Variants in NUMA1 observed in about 807,000 individuals in gnomAD.
The protein encoded by NUMA1 is SP-H antigen.
A neutral mutation model predicts 237.1 loss-of-function variants in NUMA1; 62 were observed. The ratio of observed to expected loss-of-function variants is 0.26; its 90% CI spans 0.21 to 0.32. The LOEUF is 0.32. NUMA1 is among the 10% of genes least tolerant of loss of function. The pLI is 1.00. For synonymous variants in NUMA1, 1,028 were observed against 1,066.1 expected (o/e 0.96, Z 0.70); for missense variants, 2,533 against 2,666.5 (o/e 0.95, Z 1.10).
At chr11:72,076,743 C>T (rs763971049) in intron 1 of NUMA1, 1 of 152,004 alleles carries the variant, frequency 6.6e-6, no homozygotes, top group Non-Finnish European at 1.5e-5. Context: ...CGAGATTGCA[C>T]CACTGGACTC....
At chr11:72,025,747 C>T (rs1235050022) in intron 4 of NUMA1, among the ~76,000 whole-genome samples, 1 of 152,200 alleles carries the variant, frequency 6.6e-6, no homozygotes, top group Non-Finnish European at 1.5e-5. Context: ...GTACCTCCCC[C>T]CATACCCCAT....
rs113239843 is a variant in NUMA1, at chr11:72,024,893, GTTGTTTGTTTGT to G, written c.129-552_129-541del. ...AGAGGAGGATCCCAGGGACTAGAGT[GTTGTTTGTTTGT>G]TTGTTTGTTTGAGACAGAATCTCGC... On this transcript the variant is annotated intron_variant, in intron 4 of 26. Transcript: ENST00000393695. 1.8e-3 allele frequency: 284 copies of G among 155,260 alleles called. 10 individuals carry two copies. In the South Asian group the frequency reaches 0.053, roughly 29 times the overall value. 9.6% of individuals were successfully genotyped at this position (155,260 alleles called of 1,614,324 possible).
intron 1 of NUMA1, among the ~76,000 whole-genome samples, chr11:72,075,567 C>G (rs1565300939): frequency 1.3e-5 from 2 of 152,328 alleles, no homozygotes; most frequent in South Asian, 4.1e-4. Context: ...ATTCCAGATC[C>G]CTCTAGACTT....
rs758848761 is a variant in NUMA1 at position 72,014,147 on chromosome 11, C to A, written c.3356G>T (p.Gly1119Val). The change falls in exon 15 of 27, where the codon GGC becomes GTC. Residue 1119 changes from glycine (G) to valine (V), a missense_variant. Physicochemically the swap from Gly to Val is moderately radical, Grantham distance 109. Coordinates refer to ENST00000393695, the MANE Select transcript of NUMA1 (RefSeq NM_006185.4). This position sits in a 1 kb window ranked among gnomAD's most constrained non-coding sequence, Gnocchi z 4.6. ...TGCCCGCAGTGCCTCCAGCTTGGGG[C>A]CTGTTGGCTCTGTCCTGCCAGCAGC... ...SEAAGRTEPT[G>V]PKLEALRAEV... The A allele has an allele frequency of 1.9e-6, 3 of 1,613,024 alleles. No individual in the cohort carries two copies. The South Asian group carries it at 3.3e-5, about 18-fold the overall frequency.
chr11:72,018,653 AAG>A, intron 10 of NUMA1, 140 bp from the exon 11 acceptor site: 1 of 1,070,432 alleles, frequency 9.3e-7, no homozygotes, highest in Non-Finnish European at 1.4e-6. Flanking sequence ...ATCTAAGGGA[AAG>A]AGAAGATGGG....
In NUMA1 at chr11:72,004,686, C is replaced by T. The variant is rs374984536; in HGVS notation, c.5960G>A (p.Arg1987His). 2.0e-5 allele frequency: 33 copies of T among 1,613,382 alleles called. No individual in the cohort carries two copies. The highest frequency in any genetic ancestry group is 3.5e-4 in the Middle Eastern group (2 of 5,776). Residue 1987 changes from arginine (R) to histidine (H), a missense_variant, in exon 24 of 27, where the codon CGC becomes CAC. By Grantham distance (29) the Arg-to-His change is conservative. Coordinates refer to ENST00000393695, the MANE Select transcript of NUMA1 (RefSeq NM_006185.4). Reference sequence around the variant, plus strand: ...GTGGGGCTCTAGGGAGACCCGTTTGCGCTGCTGCCGGGTGGTGATGCCAGT... The same window carrying T: ...GTGGGGCTCTAGGGAGACCCGTTTGTGCTGCTGCCGGGTGGTGATGCCAGT... ...EGTGITTRQQ[R>H]KRVSLEPHQG...
intron 2 of NUMA1, among the ~76,000 whole-genome samples, chr11:72,037,035 C>T (rs1239536922): frequency 1.3e-5 from 2 of 152,132 alleles, no homozygotes; most frequent in African/African-American, 2.4e-5. Flanking sequence ...GAACCAGTCT[C>T]ATGTATGCAA....
intron 20 of NUMA1, 151 bp from the exon 21 acceptor site, chr11:72,007,586 C>T: frequency 1.0e-6 from 1 of 971,488 alleles, no homozygotes; most frequent in Non-Finnish European, 1.5e-6. Flanking sequence ...CCAAGGAAAG[C>T]ACTTGACCTG....
At chr11:72,076,439 A>G (rs1943712014) in intron 1 of NUMA1, 1 of 152,184 alleles carries the variant, frequency 6.6e-6, no homozygotes, top group Non-Finnish European at 1.5e-5. Context: ...AGTGAAAAAC[A>G]AACAAACGAT....
At position 72,004,808 on chromosome 11, in the gene NUMA1, C is replaced by G; in HGVS notation, c.5838G>C (p.Leu1946=). The G allele has an allele frequency of 6.4e-7, 1 of 1,573,218 alleles. No individual in the cohort carries two copies. ...CCTCATCTGTGATGGTGCCCAGGCT[C>G]AGGGAAGGCTGCATGGGTGGAAGAG... The part of the protein sequence containing the change: ...TCYPLESRPS[L]SLGTITDEEM... The change falls in exon 24 of 27, where the codon CTG becomes CTC. Residue 1946 remains leucine, a synonymous_variant. Coordinates refer to ENST00000393695, the MANE Select transcript of NUMA1 (RefSeq NM_006185.4).
At chr11:72,032,116 C>T (rs1940419183) in intron 3 of NUMA1, among the ~76,000 whole-genome samples, 1 of 152,026 alleles carries the variant, frequency 6.6e-6, no homozygotes, top group Non-Finnish European at 1.5e-5. Flanking sequence ...AGCTATGAAG[C>T]TGCAACTGCA....
chr11:72,040,498 ACACACACACACACT>A (rs1387650877), intron 2 of NUMA1: 3 of 80,574 alleles, frequency 3.7e-5, no homozygotes, highest in Non-Finnish European at 7.8e-5. Flanking sequence ...ACACACACAC[ACACACACACACACT>A]GACCTGGGCC....
intron 1 of NUMA1, among the ~76,000 whole-genome samples, chr11:72,075,401 C>T (rs671132): frequency 0.93 from 141,073 of 152,206 alleles, 65,626 homozygotes; most frequent in Non-Finnish European, 0.98. Flanking sequence ...TCCCAGTTGC[C>T]TTCTAAACTC....
chr11:72,051,470 G>GT (rs1942356384), intron 2 of NUMA1, among the ~76,000 whole-genome samples: 2 of 90,870 alleles, frequency 2.2e-5, no homozygotes, highest in African/African-American at 8.3e-5. Context: ...GGAATTCAAA[G>GT]ATTTTTTTTT....
chr11:72,045,548 G>A (rs930606225), intron 2 of NUMA1, among the ~76,000 whole-genome samples: 4 of 152,166 alleles, frequency 2.6e-5, no homozygotes, highest in Non-Finnish European at 5.9e-5. Flanking sequence ...GCACAATCAT[G>A]GCTCACTGCA....
chr11:72,004,693 G>A lies in NUMA1; in HGVS notation c.5953C>T (p.Gln1985Ter). Residue 1985 changes from glutamine (Q) to a stop codon, truncating the protein, a stop_gained, in exon 24 of 27, where the codon CAG becomes TAG. Coordinates refer to ENST00000393695, the MANE Select transcript of NUMA1 (RefSeq NM_006185.4). LOFTEE classifies it high-confidence loss of function. ...TCTAGGGAGACCCGTTTGCGCTGCT[G>A]CCGGGTGGTGATGCCAGTGCCCTCG... is the stretch of plus-strand genomic sequence containing the variant. ...IAEGTGITTR[Q>*]QRKRVSLEPH... 6.2e-7 allele frequency: 1 copy of A among 1,613,754 alleles called. No homozygotes were observed. Among genetic ancestry groups the A allele is most frequent in the Non-Finnish European group, 8.5e-7 (1 of 1,179,968 alleles).
chr11:72,047,589 G>A (rs902295635), intron 2 of NUMA1, among the ~76,000 whole-genome samples: 5 of 152,074 alleles, frequency 3.3e-5, no homozygotes, highest in Admixed American at 1.3e-4. Flanking sequence ...GGCACTCAAG[G>A]CCCTCCATGA....
intron 21 of NUMA1, among the ~76,000 whole-genome samples, chr11:72,006,930 C>T (rs1034728604): frequency 3.3e-5 from 5 of 152,252 alleles, no homozygotes; most frequent in Admixed American, 3.3e-4. Context: ...TCTCTCCCTT[C>T]ACCCTGCACA....
chr11:72,021,013 A>G, intron 8 of NUMA1, 191 bp downstream of exon 8: 2 of 564,424 alleles, frequency 3.5e-6, no homozygotes, highest in South Asian at 2.5e-5. Context: ...AGCAAGGAGG[A>G]GCTCCATAGG....
Sources: allele counts gnomAD v4.1 joint callset (sites outside exome capture counted in the v4.1 genomes callset), GRCh38; gene constraint gnomAD v4.1.1; non-coding constraint Gnocchi (gnomAD v3.1); transcripts MANE v1.5; gene names NCBI Gene and HGNC (gene_info 2026-07-23, HGNC 2026-07-21).